Variants in TNIK observed in about 807,000 individuals in gnomAD.
TNIK encodes TRAF2 and NCK-interacting protein kinase.
TNIK carries 49 observed loss-of-function variants against 191.3 expected under a neutral mutation model. That is an observed-to-expected ratio of 0.26 (90% CI 0.20 to 0.32). The LOEUF (loss-of-function observed/expected upper bound fraction) is 0.32. TNIK is among the 10% of genes least tolerant of loss of function. The pLI, the probability that TNIK is intolerant of heterozygous loss-of-function variation, is 1.00. For missense variants in TNIK, 1,155 were observed against 1,702.3 expected, an observed-to-expected ratio of 0.68 and a Z score of 5.66; for synonymous variants, 594 against 600.9, an observed-to-expected ratio of 0.99 and a Z score of 0.17.
intron 1 of TNIK, among the ~76,000 whole-genome samples, chr3:171,458,327 C>A (rs1729013397): frequency 6.6e-6 from 1 of 152,154 alleles, no homozygotes; most frequent in Non-Finnish European, 1.5e-5. Context: ...TGTTACCAAC[C>A]CCACCCCGCT....
chr3:171,369,430 C>A (rs1716185828), intron 2 of TNIK, among the ~76,000 whole-genome samples, 190 bp downstream of exon 2: 1 of 152,130 alleles, frequency 6.6e-6, no homozygotes, highest in Non-Finnish European at 1.5e-5. Flanking sequence ...GGGAAATACC[C>A]AAATCACAGA....
intron 1 of TNIK, among the ~76,000 whole-genome samples, chr3:171,455,915 G>A (rs1027452386): frequency 2.6e-5 from 4 of 152,078 alleles, no homozygotes; most frequent in East Asian, 1.9e-4. Context: ...AGAAGTCCAC[G>A]GTTTAGTAAA....
intron 12 of TNIK, among the ~76,000 whole-genome samples, chr3:171,143,124 G>T (rs1277194009): frequency 1.3e-5 from 2 of 152,138 alleles, no homozygotes; most frequent in Admixed American, 1.3e-4. Flanking sequence ...GATCTCACTC[G>T]GATCAGCAGC....
chr3:171,211,907 C>G (rs1026016849), intron 3 of TNIK, among the ~76,000 whole-genome samples: 5 of 152,180 alleles, frequency 3.3e-5, no homozygotes, highest in Non-Finnish European at 7.3e-5. Flanking sequence ...GTTTCATTCA[C>G]TATGAATTTT....
chr3:171,085,061 G>T, intron 25 of TNIK, 57 bp downstream of exon 25: 1 of 1,389,816 alleles, frequency 7.2e-7, no homozygotes, highest in Non-Finnish European at 9.9e-7. Flanking sequence ...TCCTTATCAG[G>T]TCATACCAGA....
intron 1 of TNIK, among the ~76,000 whole-genome samples, chr3:171,397,271 C>T (rs1309615552): frequency 1.3e-5 from 2 of 152,200 alleles, no homozygotes; most frequent in South Asian, 2.1e-4. Context: ...CTACACTCCC[C>T]TTTTGTTAGC....
intron 8 of TNIK, among the ~76,000 whole-genome samples, chr3:171,176,332 C>T (rs1465660153): frequency 1.3e-5 from 2 of 152,102 alleles, no homozygotes; most frequent in South Asian, 2.1e-4. Context: ...AGTAAGAAAA[C>T]GATGACAACC....
chr3:171,321,698 T>C (rs1051571677), intron 2 of TNIK, among the ~76,000 whole-genome samples: 1 of 152,138 alleles, frequency 6.6e-6, no homozygotes, highest in Non-Finnish European at 1.5e-5. Context: ...GACAAAAAGA[T>C]TTCAGATTAC....
chr3:171,411,066 CT>C (rs56324481), intron 1 of TNIK, among the ~76,000 whole-genome samples: 24,686 of 141,674 alleles, frequency 0.17, 2,171 homozygotes, highest in South Asian at 0.31. Flanking sequence ...CATCAATAAT[CT>C]TTTTTTTTTT....
rs1297742785 is a variant in TNIK at position 171,333,588 on chromosome 3, A to G, written c.123+36032T>C. Among the ~76,000 whole-genome samples the G allele has an allele frequency of 1.5e-4, 22 of 147,172 alleles. No homozygotes were observed. In the East Asian group the frequency reaches 2.3e-3, roughly 16 times the overall value. ...CTCAGATGTCTCAAAAAGAAAGAAA[A>G]AAAAAAAAAAAAAAAACCTACAACA... On this transcript the variant is annotated intron_variant, in intron 2 of 32. Coordinates refer to ENST00000436636, the MANE Select transcript of TNIK (RefSeq NM_015028.4).
chr3:171,232,467 T>C (rs1348254598), intron 2 of TNIK, among the ~76,000 whole-genome samples: 1 of 152,212 alleles, frequency 6.6e-6, no homozygotes, highest in Admixed American at 6.5e-5. Context: ...TCCTATCAGA[T>C]TGCAGTTGCT....
chr3:171,246,348 CA>C (rs1484376210), intron 2 of TNIK, among the ~76,000 whole-genome samples: 3 of 151,718 alleles, frequency 2.0e-5, no homozygotes, highest in Non-Finnish European at 4.4e-5. Context: ...ATCACCTCAG[CA>C]AAAATAGGAG....
chr3:171,328,668 GAGA>G (rs1426213693), intron 2 of TNIK, among the ~76,000 whole-genome samples: 1 of 152,210 alleles, frequency 6.6e-6, no homozygotes, highest in Non-Finnish European at 1.5e-5. Context: ...ACCTACCAGT[GAGA>G]AGGATTTAAA....
chr3:171,111,100 A>T (rs1292918962), intron 18 of TNIK, among the ~76,000 whole-genome samples: 2 of 152,240 alleles, frequency 1.3e-5, no homozygotes, highest in Non-Finnish European at 2.9e-5. Flanking sequence ...AATGATCAGC[A>T]TCACTAATCA....
Position 171,218,986 on chromosome 3 carries a change from A to T in TNIK, c.181-7745T>A, listed in dbSNP as rs1193099183. On this transcript the variant is annotated intron_variant, in intron 3 of 32. Transcript: ENST00000436636. ...AAATATTTATATTTATATTTATATT[A>T]AATTATTACATATTAATATATAAAA... Among the ~76,000 whole-genome samples the T allele has an allele frequency of 1.1e-4, 14 of 128,534 alleles. No individual in the cohort carries two copies. The East Asian group carries it at 2.8e-3, about 26-fold the overall frequency. 84.3% of individuals were successfully genotyped at this position (128,534 alleles called of 152,430 possible).
intron 1 of TNIK, among the ~76,000 whole-genome samples, chr3:171,425,859 C>T (rs1348768608): frequency 6.6e-6 from 1 of 151,248 alleles, no homozygotes; most frequent in Non-Finnish European, 1.5e-5. Flanking sequence ...AATGACAGCA[C>T]CATGCATGTA....
intron 28 of TNIK, 24 bp from the exon 29 acceptor site, chr3:171,071,347 A>G: frequency 6.8e-7 from 1 of 1,480,436 alleles, no homozygotes; most frequent in Non-Finnish European, 9.2e-7. Flanking sequence ...ATTATGAGTG[A>G]AAAAGTACAT....
intron 29 of TNIK, among the ~76,000 whole-genome samples, chr3:171,069,231 GCACAGGT>G (rs1351553027): frequency 5.3e-4 from 80 of 152,298 alleles, no homozygotes; most frequent in African/African-American, 1.7e-3. Context: ...TTAAGTTGGT[GCACAGGT>G]GTAAATTTTG....
chr3:171,138,866 CA>C (rs368080953), intron 14 of TNIK, among the ~76,000 whole-genome samples: 43 of 152,134 alleles, frequency 2.8e-4, no homozygotes, highest in African/African-American at 9.9e-4. Flanking sequence ...AGCTTATGTA[CA>C]GGCTAAAAAA....
Sources: allele counts gnomAD v4.1 joint callset (sites outside exome capture counted in the v4.1 genomes callset), GRCh38; gene constraint gnomAD v4.1.1; transcripts MANE v1.5; gene names NCBI Gene and HGNC (gene_info 2026-07-23, HGNC 2026-07-21).